Variants in SPAG16 observed in about 807,000 individuals in gnomAD.
The protein encoded by SPAG16 is sperm-associated antigen 16 protein.
In SPAG16, 86 loss-of-function variants were observed where a neutral mutation model predicts 80.4. The ratio of observed to expected loss-of-function variants is 1.07; its 90% CI spans 0.90 to 1.28. SPAG16 has a LOEUF of 1.28. SPAG16 is among the 50% of genes most tolerant of loss of function. The probability of loss-of-function intolerance (pLI) is 0.00; values close to 1 mark genes in which losing one functional copy is unlikely to be tolerated. For synonymous variants in SPAG16, 294 were observed against 265.9 expected, an observed-to-expected ratio of 1.11 and a Z score of -1.03; for missense variants, 870 against 765.3, an observed-to-expected ratio of 1.14 and a Z score of -1.61.
intron 13 of SPAG16, among the ~76,000 whole-genome samples, chr2:214,061,325 G>C (rs1265300474): frequency 6.6e-6 from 1 of 152,160 alleles, no homozygotes; most frequent in Non-Finnish European, 1.5e-5. Flanking sequence ...CAGGGCACTA[G>C]GTTAGTACTC....
chr2:213,380,940 C>T (rs2067141091), intron 9 of SPAG16, among the ~76,000 whole-genome samples: 2 of 152,184 alleles, frequency 1.3e-5, no homozygotes, highest in Non-Finnish European at 1.5e-5. Flanking sequence ...ATGTGGTTGC[C>T]TGCAAAATCA....
chr2:213,855,691 A>C (rs1470075862), intron 10 of SPAG16, among the ~76,000 whole-genome samples: 1 of 152,192 alleles, frequency 6.6e-6, no homozygotes, highest in Non-Finnish European at 1.5e-5. Flanking sequence ...TTCACAGGGC[A>C]TCAGGAGAGG....
chr2:213,819,776 A>G lies in SPAG16; in HGVS notation c.1071-42709A>G, dbSNP rs529055968. On this transcript the variant is annotated intron_variant, in intron 10 of 15. Coordinates refer to ENST00000331683, the MANE Select transcript of SPAG16 (RefSeq NM_024532.5). ...GGTTGGTTGGTTGGTTTTTTTTTTG[A>G]GACAGAGTCTTGCCCTGTCACTCAG... Among the ~76,000 whole-genome samples the G allele has an allele frequency of 2.0e-3, 296 of 150,964 alleles. 1 individual carries two copies. Among genetic ancestry groups the G allele is most frequent in the African/African-American group, 7.0e-3 (287 of 41,152 alleles).
chr2:214,397,556 T>G (rs1437586831), intron 15 of SPAG16, among the ~76,000 whole-genome samples: 2 of 152,200 alleles, frequency 1.3e-5, no homozygotes, highest in Admixed American at 1.3e-4. Context: ...CTACCTTCCC[T>G]GCAGTTTATC....
At chr2:213,460,768 G>C (rs147815266) in intron 9 of SPAG16, among the ~76,000 whole-genome samples, 8 of 152,160 alleles carry the variant, frequency 5.3e-5, no homozygotes, top group Admixed American at 5.2e-4. Flanking sequence ...GCTACGGTTG[G>C]TCATAGTAAA....
intron 10 of SPAG16, among the ~76,000 whole-genome samples, chr2:213,651,915 T>C (rs568025883): frequency 1.3e-5 from 2 of 152,318 alleles, no homozygotes; most frequent in South Asian, 4.1e-4. Context: ...TTTATATAGG[T>C]TTGAGAAATT....
chr2:214,232,335 A>C (rs1414205401), intron 15 of SPAG16, among the ~76,000 whole-genome samples: 1 of 151,988 alleles, frequency 6.6e-6, no homozygotes, highest in African/African-American at 2.4e-5. Context: ...TCAGTATCTC[A>C]TCCAAACTTG....
chr2:214,384,883 G>C (rs778548629), intron 15 of SPAG16, among the ~76,000 whole-genome samples: 19 of 152,294 alleles, frequency 1.2e-4, no homozygotes, highest in African/African-American at 4.1e-4. Context: ...TTCTATCCCT[G>C]AGTCAAGTTG....
chr2:213,540,805 C>G lies in SPAG16; in HGVS notation c.1070+50715C>G, dbSNP rs1333174686. Reference sequence around the variant, plus strand: ...ATGGAATATTATGCTTCAGACTTTACTTTTCACCGTAAATAAAACAACCAC... The same window carrying G: ...ATGGAATATTATGCTTCAGACTTTAGTTTTCACCGTAAATAAAACAACCAC... On this transcript the variant is annotated intron_variant, in intron 10 of 15. Transcript: ENST00000331683. Among the ~76,000 whole-genome samples the G allele has an allele frequency of 9.2e-5, 14 of 152,200 alleles. 1 individual carries two copies. Among genetic ancestry groups the G allele is most frequent in the Admixed American group, 9.2e-4 (14 of 15,278 alleles).
At chr2:213,753,171 C>A (rs1182544379) in intron 10 of SPAG16, among the ~76,000 whole-genome samples, 3 of 152,024 alleles carry the variant, frequency 2.0e-5, no homozygotes, top group African/African-American at 7.2e-5. Context: ...CGTCACCACG[C>A]CCGGCTAATT....
intron 10 of SPAG16, among the ~76,000 whole-genome samples, chr2:213,629,695 G>A (rs2062076265): frequency 1.3e-5 from 2 of 152,212 alleles, no homozygotes; most frequent in African/African-American, 2.4e-5. Flanking sequence ...GCTTCAGGGT[G>A]CTGATATGAA....
chr2:213,332,725 C>G (rs984252689), intron 5 of SPAG16, among the ~76,000 whole-genome samples: 7 of 152,080 alleles, frequency 4.6e-5, no homozygotes, highest in African/African-American at 1.7e-4. Flanking sequence ...TCAACATATG[C>G]AAGTTAATCA....
At chr2:213,947,485 C>CT (rs1387200855) in intron 12 of SPAG16, among the ~76,000 whole-genome samples, 1 of 151,954 alleles carries the variant, frequency 6.6e-6, no homozygotes, top group Non-Finnish European at 1.5e-5. Flanking sequence ...ACCTATATGT[C>CT]TTTTTTGGTG....
chr2:213,411,356 T>TA (rs2068955812), intron 9 of SPAG16, among the ~76,000 whole-genome samples: 1 of 152,168 alleles, frequency 6.6e-6, no homozygotes, highest in Non-Finnish European at 1.5e-5. Context: ...CGACCATTAA[T>TA]AAAAATGTAG....
At chr2:214,012,275 TATATATATATA>T (rs1342238922) in intron 12 of SPAG16, among the ~76,000 whole-genome samples, 10 of 50,360 alleles carry the variant, frequency 2.0e-4, no homozygotes, top group East Asian at 1.1e-3. Flanking sequence ...TATATATATA[TATATATATATA>T]TATTTTTTTT....
intron 12 of SPAG16, among the ~76,000 whole-genome samples, chr2:214,012,896 T>A (rs759458937): frequency 2.0e-5 from 3 of 152,210 alleles, no homozygotes; most frequent in Non-Finnish European, 4.4e-5. Context: ...TCAGAATCAC[T>A]TGAAGAGCTT....
chr2:213,454,557 A>G (rs1406236892), intron 9 of SPAG16, among the ~76,000 whole-genome samples: 3 of 152,176 alleles, frequency 2.0e-5, no homozygotes, highest in East Asian at 1.9e-4. Context: ...TTCCAAATTA[A>G]TATCATAGAT....
chr2:214,363,196 C>T (rs1376413046), intron 15 of SPAG16, among the ~76,000 whole-genome samples: 1 of 151,920 alleles, frequency 6.6e-6, no homozygotes, highest in African/African-American at 2.4e-5. Flanking sequence ...TCTAAAGCTT[C>T]TTGAGCTAGA....
At chr2:213,847,722 C>A (rs1395289781) in intron 10 of SPAG16, among the ~76,000 whole-genome samples, 1 of 152,106 alleles carries the variant, frequency 6.6e-6, no homozygotes, top group African/African-American at 2.4e-5. Context: ...AGTGAGAGGA[C>A]AACAGGATCC....
Sources: gnomAD v4.1 joint callset for allele counts (sites outside exome capture counted in the v4.1 genomes callset) on GRCh38, gnomAD v4.1.1 for gene constraint, MANE v1.5 for transcripts, NCBI Gene and HGNC (gene_info 2026-07-23, HGNC 2026-07-21) for gene names.